The following ANKK1 variants were observed in gnomAD, a reference collection of about 807,000 sequenced individuals.
The protein encoded by ANKK1 is ankyrin repeat and protein kinase domain-containing protein 1.
ANKK1 carries 37 observed loss-of-function variants against 37.6 expected under a neutral mutation model. The observed-to-expected ratio is 0.98, with a 90% CI of 0.76 to 1.29. ANKK1 has a LOEUF of 1.29. Ranked by LOEUF, ANKK1 falls within the 50% of genes most tolerant of loss-of-function variation. The pLI, the probability that ANKK1 is intolerant of heterozygous loss-of-function variation, is 0.00. For missense variants in ANKK1, 1,019 were observed against 990.6 expected (o/e 1.03, Z -0.39); for synonymous variants, 415 against 418.7 (o/e 0.99, Z 0.11).
rs745688052 is a variant in ANKK1, at chr11:113,399,482, G to A, written c.1513G>A (p.Gly505Ser). Residue 505 changes from glycine (G) to serine (S), a missense_variant, in exon 8 of 8, where the codon GGC (glycine) becomes AGC (serine). By Grantham distance (56) the Gly-to-Ser change is moderately conservative (BLOSUM62 0). Transcript: ENST00000303941. ...KTPLHVAAYF[G>S]HVSLVKLLTS... ...CCCCCTCCATGTGGCCGCCTACTTTGGCCATGTTAGCCTGGTCAAGCTGCT... is the reference window on the plus strand; with the variant it reads ...CCCCCTCCATGTGGCCGCCTACTTTAGCCATGTTAGCCTGGTCAAGCTGCT... The A allele has an allele frequency of 1.9e-6, 3 of 1,591,664 alleles. No individual in the cohort carries two copies. The African/African-American group carries it at 4.0e-5, about 21-fold the overall frequency.
At position 113,400,349 on chromosome 11, in the gene ANKK1, G is replaced by C; in HGVS notation, c.*82G>C. ...AGGCAGGCAGATCACCTGATATCAA[G>C]AGTTTGAGGCCAGCCTGGCCAACAT... On this transcript the variant is annotated 3_prime_UTR_variant, in exon 8 of 8. Coordinates refer to ENST00000303941, the MANE Select transcript of ANKK1 (RefSeq NM_178510.2). 7.6e-7 allele frequency: 1 copy of C among 1,323,960 alleles called. No homozygotes were observed. Among genetic ancestry groups the C allele is most frequent in the East Asian group, 2.5e-5 (1 of 39,370 alleles). The allele number at this position is 1,323,960 out of a possible 1,614,324, so 82.0% of individuals were successfully genotyped here. A position where few individuals can be genotyped will look rare whatever the true frequency, so the allele number is the denominator to read the frequency against.
At chr11:113,396,340 G>GA in intron 5 of ANKK1, 118 bp downstream of exon 5, 16 of 1,207,402 alleles carry the variant, frequency 1.3e-5, no homozygotes, top group East Asian at 2.6e-5. Context: ...GGCCTAGAAG[G>GA]ACTTTTTTTT....
rs1388468281 is a variant in ANKK1 at position 113,396,095 on chromosome 11, A to C, written c.711A>C (p.Arg237=). 5 of 1,613,998 alleles carry C rather than the reference A, an allele frequency of 3.1e-6. No individual in the cohort carries two copies. The highest frequency in any genetic ancestry group is 2.5e-6 in the Non-Finnish European group (3 of 1,179,894). ...SGFNMMMIII[R]VAAGMRPSLQ... The stretch of plus-strand genomic sequence containing the variant: ...TCAACATGATGATGATTATTATCCG[A>C]GTGGCGGCAGGCATGCGGCCCTCCC... Residue 237 remains arginine (R), a synonymous_variant, in exon 5 of 8, where the codon CGA becomes CGC. Transcript: ENST00000303941.
intron 1 of ANKK1, among the ~76,000 whole-genome samples, chr11:113,389,738 T>A (rs1253253310): frequency 6.6e-6 from 1 of 151,866 alleles, no homozygotes; most frequent in Non-Finnish European, 1.5e-5. Context: ...GACAACAGAG[T>A]GTGCAAAGAA....
Position 113,388,063 on chromosome 11 carries a change from C to A in ANKK1, c.179C>A (p.Ala60Asp). The A allele has an allele frequency of 6.7e-7, 1 of 1,501,260 alleles. No homozygotes were observed. Among genetic ancestry groups the A allele is most frequent in the South Asian group, 1.2e-5 (1 of 80,174 alleles). 93.0% of individuals were successfully genotyped at this position (1,501,260 alleles called of 1,614,324 possible). ...TGCGCCCCCTGCCTTCCACCCGACG[C>A]CGCCAGGTACTGCCAGCCTCGCCCT... is the stretch of plus-strand genomic sequence containing the variant. ...IKCAPCLPPD[A>D]ASSDVNYLIE... Residue 60 changes from alanine to aspartate, a missense_variant, in exon 1 of 8, where the codon GCC becomes GAC. Coordinates refer to ENST00000303941, the MANE Select transcript of ANKK1 (RefSeq NM_178510.2).
At position 113,397,969 on chromosome 11, in the gene ANKK1, T is replaced by C; in HGVS notation, c.958-11T>C. 2 of 1,558,188 alleles carry C rather than the reference T, an allele frequency of 1.3e-6. No individual in the cohort carries two copies. The highest frequency in any genetic ancestry group is 1.7e-6 in the Non-Finnish European group (2 of 1,150,554). ...TGATCTCCACCCTGCCTGCTGGTTA[T>C]GCCTCCCCAGGTTAATGAGGACATC... On this transcript the variant is annotated splice_polypyrimidine_tract_variant and intron_variant, in intron 6 of 7. Coordinates refer to ENST00000303941, the MANE Select transcript of ANKK1 (RefSeq NM_178510.2).
At chr11:113,393,423 G>A (rs1950603675) in intron 1 of ANKK1, 58 bp from the exon 2 acceptor site, 1 of 1,532,016 alleles carries the variant, frequency 6.5e-7, no homozygotes, top group Admixed American at 1.8e-5. Context: ...GTGTTCAGCT[G>A]GTTGCTGTAG....
At position 113,387,797 on chromosome 11, in the gene ANKK1, C is replaced by G; in HGVS notation, c.-88C>G. Reference sequence around the variant, plus strand: ...TCTCCCCATTCCCCTCTCCCGGACCCGAGGAGCAGGAAGCGGCGGCTCCTT... The same window carrying G: ...TCTCCCCATTCCCCTCTCCCGGACCGGAGGAGCAGGAAGCGGCGGCTCCTT... On this transcript the variant is annotated 5_prime_UTR_variant, in exon 1 of 8. Coordinates refer to ENST00000303941, the MANE Select transcript of ANKK1 (RefSeq NM_178510.2). 2.2e-6 allele frequency: 3 copies of G among 1,393,590 alleles called. No individual in the cohort carries two copies. Among genetic ancestry groups the G allele is most frequent in the Non-Finnish European group, 2.8e-6 (3 of 1,060,286 alleles). The allele number at this position is 1,393,590 out of a possible 1,614,324, so 86.3% of individuals were successfully genotyped here. A position where few individuals can be genotyped will look rare whatever the true frequency, so the allele number is the denominator to read the frequency against.
At chr11:113,395,993 GC>G in intron 4 of ANKK1, 73 bp from the exon 5 acceptor site, 1 of 1,555,900 alleles carries the variant, frequency 6.4e-7, no homozygotes, top group Non-Finnish European at 8.8e-7. Flanking sequence ...GATCCTCAGA[GC>G]CCCCGCCTTC....
At chr11:113,388,105 G>A in intron 1 of ANKK1, 36 bp downstream of exon 1, 1 of 1,444,100 alleles carries the variant, frequency 6.9e-7, no homozygotes, top group Non-Finnish European at 9.1e-7. Flanking sequence ...TCTCGGAGGA[G>A]AAACTGAGGC....
chr11:113,391,963 A>C (rs1293434742), intron 1 of ANKK1, among the ~76,000 whole-genome samples: 1 of 152,200 alleles, frequency 6.6e-6, no homozygotes, highest in Non-Finnish European at 1.5e-5. Context: ...TACACTGAGA[A>C]CTGAAAATTA....
intron 1 of ANKK1, among the ~76,000 whole-genome samples, chr11:113,388,929 G>A (rs865893406): frequency 7.9e-4 from 120 of 152,264 alleles, no homozygotes; most frequent in African/African-American, 2.8e-3. Flanking sequence ...TAGAGAGTCC[G>A]GGACGGGGGT....
In ANKK1 at chr11:113,397,990, A is replaced by G. The variant is rs1248385677; in HGVS notation, c.968A>G (p.Asp323Gly). Residue 323 changes from aspartate to glycine, a missense_variant, in exon 7 of 8, where the codon GAC becomes GGC. Transcript: ENST00000303941. ...SLRQPGEVNE[D>G]ISQELMDSDS... Reference sequence around the variant, plus strand: ...GTTATGCCTCCCCAGGTTAATGAGGACATCAGCCAGGAACTGATGGACAGT... The same window carrying G: ...GTTATGCCTCCCCAGGTTAATGAGGGCATCAGCCAGGAACTGATGGACAGT... 1 of 1,563,130 alleles carries G rather than the reference A, an allele frequency of 6.4e-7. No homozygotes were observed. The highest frequency in any genetic ancestry group is 1.2e-5 in the South Asian group (1 of 84,588).
At chr11:113,396,780 G>A (rs1950642477) in intron 5 of ANKK1, among the ~76,000 whole-genome samples, 1 of 152,174 alleles carries the variant, frequency 6.6e-6, no homozygotes, top group Non-Finnish European at 1.5e-5. Flanking sequence ...AACCCTCGGT[G>A]CCAAAAGGCA....
intron 1 of ANKK1, 101 bp downstream of exon 1, chr11:113,388,170 G>T (rs1950561292): frequency 1.5e-6 from 2 of 1,364,348 alleles, no homozygotes; most frequent in East Asian, 2.6e-5. Context: ...TGAGTTTGGG[G>T]CTGAGGACTG....
Position 113,388,081 on chromosome 11 carries a change from C to G in ANKK1, c.185+12C>G, listed in dbSNP as rs1262900219. ...CCCGACGCCGCCAGGTACTGCCAGC[C>G]TCGCCCTCCCCTTTCTCGGAGGAGA... On this transcript the variant is annotated intron_variant, in intron 1 of 7. Transcript: ENST00000303941. 6.8e-7 allele frequency: 1 copy of G among 1,469,104 alleles called. No homozygotes were observed. Among genetic ancestry groups the G allele is most frequent in the East Asian group, 2.6e-5 (1 of 38,276 alleles). The allele number at this position is 1,469,104 out of a possible 1,614,324, so 91.0% of individuals were successfully genotyped here. A position where few individuals can be genotyped will look rare whatever the true frequency, so the allele number is the denominator to read the frequency against.
chr11:113,389,531 A>C (rs990387868), intron 1 of ANKK1, among the ~76,000 whole-genome samples: 2 of 152,218 alleles, frequency 1.3e-5, no homozygotes, highest in Non-Finnish European at 2.9e-5. Context: ...GACATTAACC[A>C]GATAACCCCA....
rs1254643414 is a variant in ANKK1, at chr11:113,400,399, A to C, written c.*132A>C. On this transcript the variant is annotated 3_prime_UTR_variant, in exon 8 of 8. Coordinates refer to ENST00000303941, the MANE Select transcript of ANKK1 (RefSeq NM_178510.2). ...TGGCAAAACCCTGTCTCTGCTAAAA[A>C]TACAAAATTTAGCTGGGTATGGTGG... is the stretch of plus-strand genomic sequence containing the variant. 6.1e-6 allele frequency: 6 copies of C among 985,824 alleles called. No homozygotes were observed. Among genetic ancestry groups the C allele is most frequent in the Non-Finnish European group, 8.7e-6 (6 of 691,512 alleles). 61.1% of individuals were successfully genotyped at this position (985,824 alleles called of 1,614,324 possible). A position where few individuals can be genotyped will look rare whatever the true frequency, so the allele number is the denominator to read the frequency against.
intron 2 of ANKK1, 75 bp from the exon 3 acceptor site, chr11:113,394,854 G>C (rs1231084297): frequency 6.4e-7 from 1 of 1,567,624 alleles, no homozygotes; most frequent in Non-Finnish European, 8.7e-7. Context: ...GATAGCAGGA[G>C]GGGTGAGAAG....
Sources: allele counts gnomAD v4.1 joint callset (sites outside exome capture counted in the v4.1 genomes callset), GRCh38; gene constraint gnomAD v4.1.1; transcripts MANE v1.5; gene names NCBI Gene and HGNC (gene_info 2026-07-23, HGNC 2026-07-21).